WWOX: variants seen among roughly 807,000 people sequenced by gnomAD.
WWOX encodes WW domain-containing oxidoreductase.
In WWOX, 69 loss-of-function variants were observed where a neutral mutation model predicts 46.2. The observed-to-expected ratio is 1.49, with a 90% CI of 1.23 to 1.82. The LOEUF is 1.82. WWOX is among the 40% of genes most tolerant of loss of function. The probability of loss-of-function intolerance (pLI) is 0.00; values close to 1 mark genes in which losing one functional copy is unlikely to be tolerated. For synonymous variants in WWOX, 359 were observed against 202.6 expected (o/e 1.77, Z -6.56); for missense variants, 919 against 542.6 (o/e 1.69, Z -6.89).
At chr16:78,813,855 A>C (rs1232274456) in intron 8 of WWOX, among the ~76,000 whole-genome samples, 2 of 152,096 alleles carry the variant, frequency 1.3e-5, no homozygotes, top group Non-Finnish European at 2.9e-5. Context: ...TCAGGCGGTC[A>C]GCACATTTAG....
At chr16:78,921,843 T>C (rs778047904) in intron 8 of WWOX, among the ~76,000 whole-genome samples, 3 of 152,182 alleles carry the variant, frequency 2.0e-5, no homozygotes, top group Non-Finnish European at 4.4e-5. Context: ...CCCATCCTCA[T>C]GGCTGATATT....
At chr16:79,018,178 A>G (rs2047455452) in intron 8 of WWOX, among the ~76,000 whole-genome samples, 2 of 152,246 alleles carry the variant, frequency 1.3e-5, no homozygotes, top group Middle Eastern at 3.4e-3. Context: ...ATTTGATTTT[A>G]TTGTCTATCG....
chr16:78,873,879 G>A (rs1389677426), intron 8 of WWOX, among the ~76,000 whole-genome samples: 1 of 152,108 alleles, frequency 6.6e-6, no homozygotes, highest in African/African-American at 2.4e-5. Flanking sequence ...AGTATAGCGA[G>A]GGGCAATCAC....
intron 8 of WWOX, among the ~76,000 whole-genome samples, chr16:79,172,964 T>A (rs2050730389): frequency 6.6e-6 from 1 of 152,022 alleles, no homozygotes; most frequent in African/African-American, 2.4e-5. Context: ...AAGGCTGCAG[T>A]GAACCATGAT....
chr16:79,181,139 G>A (rs11859688), intron 8 of WWOX, among the ~76,000 whole-genome samples: 3,617 of 152,256 alleles, frequency 0.024, 61 homozygotes, highest in Non-Finnish European at 0.037. Flanking sequence ...TTCTGTGACC[G>A]TGCAAACATG....
intron 8 of WWOX, chr16:78,526,573 C>G (rs1035708914): frequency 6.6e-6 from 1 of 152,082 alleles, no homozygotes; most frequent in Non-Finnish European, 1.5e-5. Context: ...AACAGGTGTC[C>G]CCCAGATTGG....
chr16:78,469,734 C>T (rs936132109), intron 8 of WWOX, among the ~76,000 whole-genome samples: 17 of 152,144 alleles, frequency 1.1e-4, no homozygotes, highest in Admixed American at 6.5e-5. Context: ...TTTTTCCTCT[C>T]ATTTTATAGA....
At chr16:78,472,601 G>C (rs961192467) in intron 8 of WWOX, among the ~76,000 whole-genome samples, 2 of 151,992 alleles carry the variant, frequency 1.3e-5, no homozygotes, top group Non-Finnish European at 2.9e-5. Flanking sequence ...CTGAGGTCAG[G>C]AGTTTGAGAC....
intron 8 of WWOX, among the ~76,000 whole-genome samples, chr16:79,130,708 C>G (rs994085461): frequency 1.3e-5 from 2 of 152,238 alleles, no homozygotes; most frequent in Admixed American, 6.5e-5. Flanking sequence ...TGAAGTGCTG[C>G]GGTACTGGCG....
At chr16:78,348,075 G>A (rs2081123240) in intron 5 of WWOX, among the ~76,000 whole-genome samples, 1 of 122,378 alleles carries the variant, frequency 8.2e-6, no homozygotes, top group African/African-American at 2.8e-5. Context: ...CTCAAGTCTA[G>A]TTTAATTCAA....
At chr16:79,078,545 A>G (rs922668725) in intron 8 of WWOX, among the ~76,000 whole-genome samples, 1 of 152,212 alleles carries the variant, frequency 6.6e-6, no homozygotes, top group Non-Finnish European at 1.5e-5. Flanking sequence ...CCTTGACTGC[A>G]TAGTACCGTG....
intron 8 of WWOX, among the ~76,000 whole-genome samples, chr16:78,580,235 G>A (rs893711372): frequency 1.5e-4 from 23 of 151,910 alleles, no homozygotes; most frequent in African/African-American, 4.6e-4. Flanking sequence ...CAGCATGCCC[G>A]GCTAGCTTTT....
chr16:78,893,862 G>A (rs1406300688), intron 8 of WWOX, among the ~76,000 whole-genome samples: 1 of 151,974 alleles, frequency 6.6e-6, no homozygotes, highest in Admixed American at 6.6e-5. Context: ...TTGTTTTCTA[G>A]CAAGCTAGAA....
At chr16:78,127,781 G>C (rs1046957701) in intron 4 of WWOX, among the ~76,000 whole-genome samples, 1 of 152,130 alleles carries the variant, frequency 6.6e-6, no homozygotes, top group African/African-American at 2.4e-5. Context: ...TATCCAAAAA[G>C]TGTCAGTGTT....
intron 8 of WWOX, among the ~76,000 whole-genome samples, chr16:78,638,295 C>G (rs1304373067): frequency 6.6e-6 from 1 of 152,178 alleles, no homozygotes; most frequent in Non-Finnish European, 1.5e-5. Flanking sequence ...GGATCTGAAC[C>G]CAAGACATAG....
chr16:78,262,459 C>G (rs2079266078), intron 5 of WWOX, among the ~76,000 whole-genome samples: 1 of 152,254 alleles, frequency 6.6e-6, no homozygotes, highest in South Asian at 2.1e-4. Flanking sequence ...TTATTCAGAA[C>G]CAGCTATATG....
At chr16:78,721,707 GC>G (rs1435556649) in intron 8 of WWOX, among the ~76,000 whole-genome samples, 1 of 152,204 alleles carries the variant, frequency 6.6e-6, no homozygotes, top group Non-Finnish European at 1.5e-5. Flanking sequence ...ATATTGGCTG[GC>G]CAGTAGCATC....
intron 8 of WWOX, among the ~76,000 whole-genome samples, chr16:78,732,982 GTCTTT>G (rs1442896062): frequency 2.0e-5 from 3 of 152,014 alleles, no homozygotes; most frequent in African/African-American, 7.2e-5. Context: ...TTTCCTTCTC[GTCTTT>G]TCTTTTCTAG....
chr16:78,632,572 T>TTTTTTTTTTTTTG, intron 8 of WWOX, among the ~76,000 whole-genome samples: 1 of 142,154 alleles, frequency 7.0e-6, no homozygotes, highest in Non-Finnish European at 1.5e-5. Context: ...TTTTTTTTTT[T>TTTTTTTTTTTTTG]TTTTTTGGTG....
Sources: allele counts gnomAD v4.1 joint callset (sites outside exome capture counted in the v4.1 genomes callset), GRCh38; gene constraint gnomAD v4.1.1; transcripts MANE v1.5; gene names NCBI Gene and HGNC (gene_info 2026-07-23, HGNC 2026-07-21).